The following CENPE variants were observed in gnomAD, a reference collection of about 807,000 sequenced individuals.
CENPE encodes the protein centromere-associated protein E.
In CENPE, 145 loss-of-function variants were observed where a neutral mutation model predicts 336.1. The observed-to-expected ratio is 0.43, with a 90% CI of 0.38 to 0.50. The LOEUF is 0.50. Ranked by LOEUF, CENPE falls within the 20% of genes least tolerant of loss-of-function variation. The probability of loss-of-function intolerance (pLI) is 0.00; values close to 1 mark genes in which losing one functional copy is unlikely to be tolerated. For missense variants in CENPE, 2,719 were observed against 3,023.3 expected (o/e 0.90, Z 2.36); for synonymous variants, 1,013 against 984.8 (o/e 1.03, Z -0.54).
intron 42 of CENPE, among the ~76,000 whole-genome samples, chr4:103,129,163 A>G (rs1390019264): frequency 6.6e-6 from 1 of 152,186 alleles, no homozygotes; most frequent in Non-Finnish European, 1.5e-5. Context: ...ATCTACCAAT[A>G]CACAAGAAAG....
At chr4:103,184,824 A>G (rs1756624693) in intron 9 of CENPE, among the ~76,000 whole-genome samples, 2 of 152,118 alleles carry the variant, frequency 1.3e-5, no homozygotes, top group Non-Finnish European at 2.9e-5. Context: ...TTATGTTTCC[A>G]TACAAATTTT....
At chr4:103,192,736 T>C (rs965826643) in intron 8 of CENPE, among the ~76,000 whole-genome samples, 1 of 152,134 alleles carries the variant, frequency 6.6e-6, no homozygotes, top group Admixed American at 6.6e-5. Flanking sequence ...AATAGTTTCG[T>C]TTTAGACATA....
chr4:103,192,236 T>G (rs1212641360), intron 8 of CENPE, among the ~76,000 whole-genome samples: 1 of 152,104 alleles, frequency 6.6e-6, no homozygotes, highest in Non-Finnish European at 1.5e-5. Flanking sequence ...CAGTGTCCAC[T>G]ACAGATGACA....
At position 103,109,197 on chromosome 4, in the gene CENPE, C is replaced by T. The variant is rs1242400837; in HGVS notation, c.7725-108G>A. The T allele has an allele frequency of 4.7e-6, 4 of 842,836 alleles. No homozygotes were observed. The African/African-American group carries it at 5.2e-5, about 11-fold the overall frequency. The allele number at this position is 842,836 out of a possible 1,614,324, so 52.2% of individuals were successfully genotyped here. A position where few individuals can be genotyped will look rare whatever the true frequency, so the allele number is the denominator to read the frequency against. On this transcript the variant is annotated intron_variant, in intron 47 of 48. Coordinates refer to ENST00000265148, the MANE Select transcript of CENPE (RefSeq NM_001813.3). ...ATAAATTGTGATGAAATATATATAA[C>T]ATAAAATGTACATTTTATCACATTT...
intron 2 of CENPE, 29 bp from the exon 3 acceptor site, chr4:103,196,281 C>A (rs756863563): frequency 7.0e-7 from 1 of 1,437,006 alleles, no homozygotes; most frequent in East Asian, 2.3e-5. Flanking sequence ...AACAACAACA[C>A]AGAAGTTAAA....
intron 13 of CENPE, among the ~76,000 whole-genome samples, chr4:103,178,470 C>A (rs1244760820): frequency 1.3e-5 from 2 of 152,288 alleles, no homozygotes; most frequent in East Asian, 3.9e-4. Flanking sequence ...AAGAGTACTA[C>A]CTGCACAGAA....
chr4:103,183,795 T>C (rs959849581), intron 9 of CENPE, among the ~76,000 whole-genome samples: 1 of 134,522 alleles, frequency 7.4e-6, no homozygotes, highest in Non-Finnish European at 1.5e-5. Flanking sequence ...TGTTATTAGT[T>C]TTTTTCTTTA....
rs3217729 is a variant in CENPE at position 103,196,255 on chromosome 4, AAAC to A, written c.149-6_149-4del. 6.4e-4 allele frequency: 1,004 copies of A among 1,573,166 alleles called. No individual in the cohort carries two copies. Among genetic ancestry groups the A allele is most frequent in the Middle Eastern group, 1.5e-3 (9 of 5,980 alleles). On this transcript the variant is annotated splice_region_variant and splice_polypyrimidine_tract_variant and intron_variant, in intron 2 of 48. Transcript: ENST00000265148. ...TTCATTACCATGAAAGACACGATCTAAACAACAACAACAACAACAACAACACAG... is the reference window on the plus strand; with the variant it reads ...TTCATTACCATGAAAGACACGATCTAAACAACAACAACAACAACAACACAG...
intron 8 of CENPE, among the ~76,000 whole-genome samples, chr4:103,190,966 C>T (rs1757260683): frequency 6.6e-6 from 1 of 151,270 alleles, no homozygotes; most frequent in Admixed American, 6.6e-5. Context: ...AACAAACAAC[C>T]ACATCGACAA....
At chr4:103,149,507 G>A in intron 26 of CENPE, 99 bp from the exon 27 acceptor site, 1 of 1,004,608 alleles carries the variant, frequency 1.0e-6, no homozygotes, top group South Asian at 1.9e-5. Flanking sequence ...CATATAAATA[G>A]GTAAGTAGCA....
At chr4:103,186,186 C>G (rs1027985308) in intron 8 of CENPE, among the ~76,000 whole-genome samples, 2 of 152,192 alleles carry the variant, frequency 1.3e-5, no homozygotes, top group Non-Finnish European at 2.9e-5. Flanking sequence ...ATTCTTACCT[C>G]TAGCTGAACT....
intron 46 of CENPE, among the ~76,000 whole-genome samples, chr4:103,112,595 T>C (rs1399913422): frequency 7.4e-6 from 1 of 134,950 alleles, no homozygotes; most frequent in Non-Finnish European, 1.5e-5. Context: ...TACATACTTA[T>C]AAGTATATAT....
intron 42 of CENPE, among the ~76,000 whole-genome samples, chr4:103,127,427 T>A (rs1030479209): frequency 6.6e-6 from 1 of 152,118 alleles, no homozygotes; most frequent in Non-Finnish European, 1.5e-5. Context: ...GTCAGTAGAC[T>A]GGTCTTGCAA....
chr4:103,191,373 C>T (rs1053625779), intron 8 of CENPE, among the ~76,000 whole-genome samples: 1 of 152,274 alleles, frequency 6.6e-6, no homozygotes, highest in Non-Finnish European at 1.5e-5. Context: ...GCACTATTCA[C>T]AATAGCAAAG....
rs2125966398 is a variant in CENPE, at chr4:103,158,332, T to C, written c.3001A>G (p.Thr1001Ala). The C allele has an allele frequency of 6.2e-7, 1 of 1,608,878 alleles. No individual in the cohort carries two copies. Among genetic ancestry groups the C allele is most frequent in the Non-Finnish European group, 8.5e-7 (1 of 1,177,984 alleles). The stretch of plus-strand genomic sequence containing the variant: ...TGAAATTCATCTTTAGTTTCTCCTG[T>C]ATTTTCCTCCATATGCAAATTCCTG... ...VSRNLHMEEN[T>A]GETKDEFQQK... Residue 1001 changes from threonine (T) to alanine (A), a missense_variant, in exon 24 of 49, where the codon ACA (threonine) becomes GCA (alanine). Thr to Ala is a moderately conservative substitution (Grantham distance 58). Coordinates refer to ENST00000265148, the MANE Select transcript of CENPE (RefSeq NM_001813.3).
chr4:103,146,051 A>T lies in CENPE; in HGVS notation c.4191T>A (p.Asn1397Lys). 6.2e-7 allele frequency: 1 copy of T among 1,613,756 alleles called. No individual in the cohort carries two copies. The highest frequency in any genetic ancestry group is 8.5e-7 in the Non-Finnish European group (1 of 1,179,846). ...TCTCACTCACGATTTTGGTAGTTTC[A>T]TTGTCTTTTTCTTTCATATTTAAGG... ...EQSLNMKEKD[N>K]ETTKIVSEME... Residue 1397 changes from asparagine (N) to lysine (K), a missense_variant, in exon 30 of 49, where the codon AAT becomes AAA. Transcript: ENST00000265148.
chr4:103,190,771 A>G (rs1757239366), intron 8 of CENPE, among the ~76,000 whole-genome samples: 1 of 152,228 alleles, frequency 6.6e-6, no homozygotes, highest in Non-Finnish European at 1.5e-5. Context: ...AGCAATGACA[A>G]CAAAAGCCAA....
intron 8 of CENPE, 94 bp from the exon 9 acceptor site, chr4:103,185,955 T>G: frequency 1.3e-6 from 1 of 783,280 alleles, no homozygotes; most frequent in Non-Finnish European, 2.1e-6. Flanking sequence ...ATGGTATATC[T>G]GAATATTCGA....
chr4:103,123,222 A>T, intron 42 of CENPE, 133 bp from the exon 43 acceptor site: 1 of 665,982 alleles, frequency 1.5e-6, no homozygotes, highest in East Asian at 2.7e-5. Flanking sequence ...GGGAAATTCC[A>T]GAAATAAACA....
Sources: gnomAD v4.1 joint callset for allele counts (sites outside exome capture counted in the v4.1 genomes callset) on GRCh38, gnomAD v4.1.1 for gene constraint, MANE v1.5 for transcripts, NCBI Gene and HGNC (gene_info 2026-07-23, HGNC 2026-07-21) for gene names.